YTHDC1: variants seen among roughly 807,000 people sequenced by gnomAD.
YTHDC1 encodes the protein YTH domain-containing protein 1.
A neutral mutation model predicts 107.0 loss-of-function variants in YTHDC1; 12 were observed. The observed-to-expected ratio is 0.11, with a 90% confidence interval of 0.07 to 0.18. The LOEUF (loss-of-function observed/expected upper bound fraction) is 0.18, where lower values mean the gene tolerates loss of function less well. Among genes scored for constraint, YTHDC1 ranks in the 10% least tolerant of loss-of-function variants. YTHDC1 has a pLI of 1.00. For synonymous variants in YTHDC1, 280 were observed against 289.5 expected (o/e 0.97, Z 0.33); for missense variants, 635 against 898.8 (o/e 0.71, Z 3.75).
At chr4:68,338,459 T>A in intron 1 of YTHDC1, 75 bp from the exon 2 acceptor site, 1 of 1,103,486 alleles carries the variant, frequency 9.1e-7, no homozygotes, top group Non-Finnish European at 1.3e-6. Flanking sequence ...TTACTAAGTG[T>A]GAGGCCACAA....
Position 68,311,692 on chromosome 4 carries a change from G to A in YTHDC1, c.*2407C>T, listed in dbSNP as rs796471893. 9 of 152,326 alleles carry A rather than the reference G, an allele frequency of 5.9e-5. No individual in the cohort carries two copies. The highest frequency in any genetic ancestry group is 1.9e-4 in the African/African-American group (8 of 41,572). 9.4% of individuals were successfully genotyped at this position (152,326 alleles called of 1,614,324 possible). ...ACAGTGATGATTATGTGAGCCAACA[G>A]AATTGTTTAGAATAGTGCCAGATAC... On this transcript the variant is annotated 3_prime_UTR_variant, in exon 17 of 17. Coordinates refer to ENST00000344157, the MANE Select transcript of YTHDC1 (RefSeq NM_001031732.4).
At position 68,340,001 on chromosome 4, in the gene YTHDC1, T is replaced by A. The variant is rs1724638161; in HGVS notation, c.29-1617A>T. 2.0e-5 allele frequency among the ~76,000 whole-genome samples: 3 copies of A among 152,050 alleles called. No homozygotes were observed. The South Asian group carries it at 6.2e-4, about 32-fold the overall frequency. On this transcript the variant is annotated intron_variant, in intron 1 of 16. Transcript: ENST00000344157. ...TGTTTAAACATTAACTATTCCAATA[T>A]CAAAAACATCTTTCCAAATTTAAGG...
At chr4:68,335,361 G>A (rs1239604614) in intron 4 of YTHDC1, among the ~76,000 whole-genome samples, 8 of 152,126 alleles carry the variant, frequency 5.3e-5, no homozygotes, top group Middle Eastern at 6.8e-3. Flanking sequence ...CCTTTATAAG[G>A]AAAATAAAAC....
intron 15 of YTHDC1, 75 bp from the exon 16 acceptor site, chr4:68,316,523 C>G: frequency 6.6e-7 from 1 of 1,508,028 alleles, no homozygotes; most frequent in Non-Finnish European, 9.0e-7. Flanking sequence ...AACCCTTCAT[C>G]CAAAACACCA....
chr4:68,322,543 A>G lies in YTHDC1; in HGVS notation c.1601+206T>C. On this transcript the variant is annotated intron_variant, in intron 11 of 16. Coordinates refer to ENST00000344157, the MANE Select transcript of YTHDC1 (RefSeq NM_001031732.4). The surrounding 1 kb of genome is among the most constrained non-coding windows in gnomAD (Gnocchi z 4.8). ...TGGTTATACTTTTTTCTGCATAAGGAAAGATCCCCATTTTCCTCTTGAAAA... is the reference window on the plus strand; with the variant it reads ...TGGTTATACTTTTTTCTGCATAAGGGAAGATCCCCATTTTCCTCTTGAAAA... The G allele has an allele frequency of 1.8e-6, 1 of 570,774 alleles. No homozygotes were observed. Among genetic ancestry groups the G allele is most frequent in the East Asian group, 2.8e-5 (1 of 35,132 alleles). The allele number at this position is 570,774 out of a possible 1,614,324, so 35.4% of individuals were successfully genotyped here.
chr4:68,342,502 C>T (rs1724934469), intron 1 of YTHDC1, among the ~76,000 whole-genome samples: 1 of 152,166 alleles, frequency 6.6e-6, no homozygotes, highest in Non-Finnish European at 1.5e-5. Context: ...ATTCCAATCA[C>T]TGTTGACAGA....
Position 68,316,302 on chromosome 4 carries a change from T to C in YTHDC1, c.1959+12A>G, listed in dbSNP as rs772152504. The stretch of plus-strand genomic sequence containing the variant: ...GTAGTTCCCTCACACCTTTGCCTCC[T>C]TGTGCACTTACTACTCGTTTATCTC... On this transcript the variant is annotated intron_variant, in intron 16 of 16. Coordinates refer to ENST00000344157, the MANE Select transcript of YTHDC1 (RefSeq NM_001031732.4). The C allele has an allele frequency of 3.1e-6, 5 of 1,609,500 alleles. No individual in the cohort carries two copies. The highest frequency in any genetic ancestry group is 1.7e-5 in the Admixed American group (1 of 59,378).
intron 11 of YTHDC1, among the ~76,000 whole-genome samples, chr4:68,321,041 T>TAAA (rs899821460): frequency 2.0e-5 from 3 of 152,122 alleles, no homozygotes; most frequent in Admixed American, 6.5e-5. Flanking sequence ...CTGTCTTCCA[T>TAAA]AAATCGGGTT....
rs151214955 is a variant in YTHDC1, at chr4:68,319,842, C to T, written c.1684+281G>A. On this transcript the variant is annotated intron_variant, in intron 12 of 16. Coordinates refer to ENST00000344157, the MANE Select transcript of YTHDC1 (RefSeq NM_001031732.4). ...TATTGCTTTTCATAACTACTTTTAA[C>T]CTTAAACACATGTGCAGATAAGTTT... Among the ~76,000 whole-genome samples the T allele has an allele frequency of 6.0e-3, 910 of 152,112 alleles. 11 individuals are homozygous for T. The highest frequency in any genetic ancestry group is 0.021 in the African/African-American group (860 of 41,522).
chr4:68,332,095 G>A lies in YTHDC1; in HGVS notation c.1122+8C>T. On this transcript the variant is annotated splice_region_variant and intron_variant, in intron 7 of 16. Coordinates refer to ENST00000344157, the MANE Select transcript of YTHDC1 (RefSeq NM_001031732.4). ...TTAGGATAGTTTCAACAGAACTGAT[G>A]CTAATACCTTCGCTTTGGCAAGAGA... 1 of 1,574,106 alleles carries A rather than the reference G, an allele frequency of 6.4e-7. No individual in the cohort carries two copies. The highest frequency in any genetic ancestry group is 8.7e-7 in the Non-Finnish European group (1 of 1,155,396).
rs140944363 is a variant in YTHDC1 at position 68,339,384 on chromosome 4, A to T, written c.29-1000T>A. On this transcript the variant is annotated intron_variant, in intron 1 of 16. Transcript: ENST00000344157. ...ATCAAAGCAGACCTAGAGAGGCATG[A>T]TAACTGAACACAGCCCACAATATTG... 2.8e-3 allele frequency among the ~76,000 whole-genome samples: 433 copies of T among 152,376 alleles called. 3 individuals carry two copies. The highest frequency in any genetic ancestry group is 9.8e-3 in the African/African-American group (409 of 41,600).
In YTHDC1 at chr4:68,330,293, G is replaced by C. The variant is rs374769324; in HGVS notation, c.1140C>G (p.Leu380=). 6.3e-6 allele frequency: 10 copies of C among 1,597,740 alleles called. No individual in the cohort carries two copies. In the African/African-American group the frequency reaches 1.3e-4, roughly 22 times the overall value. ...GATTTAATTTCTTCTCATTTACAGG[G>C]AGCGTGGACCATACACCCTACATAA... ...LAKAKGVWST[L]PVNEKKLNLA... is the part of the protein sequence containing the mutation. The change falls in exon 8 of 17, where the codon CTC becomes CTG. Residue 380 remains leucine (L), a synonymous_variant. Transcript: ENST00000344157.
At chr4:68,327,747 T>C (rs1157110378) in intron 9 of YTHDC1, among the ~76,000 whole-genome samples, 2 of 152,176 alleles carry the variant, frequency 1.3e-5, no homozygotes, top group African/African-American at 4.8e-5. Context: ...GAGACTCAAA[T>C]GTAATTCTCA....
chr4:68,337,843 G>A lies in YTHDC1; in HGVS notation c.188C>T (p.Ser63Phe). ...AGAAACCAGTTGTCTAGAATGGACA[G>A]AAGGCTTTTGTCGTTTGGTATCAGT... ...ESTDTKRQKP[S>F]VHSRQLVSKP... Residue 63 changes from serine (S) to phenylalanine (F), a missense_variant, in exon 3 of 17, where the codon TCT becomes TTT. Physicochemically the swap from Ser to Phe is radical, Grantham distance 155. Transcript: ENST00000344157. 1.2e-6 allele frequency: 2 copies of A among 1,613,740 alleles called. No individual in the cohort carries two copies. The highest frequency in any genetic ancestry group is 8.5e-7 in the Non-Finnish European group (1 of 1,179,992).
Position 68,320,182 on chromosome 4 carries a change from A to G in YTHDC1, c.1625T>C (p.Ile542Thr), listed in dbSNP as rs745499920. The G allele has an allele frequency of 2.7e-5, 44 of 1,609,440 alleles. No homozygotes were observed. Among genetic ancestry groups the G allele is most frequent in the Non-Finnish European group, 3.6e-5 (42 of 1,178,916 alleles). ...VGRRRPEDYD[I>T]HNSRKKPRID... ...CCTTGGTTTCTTTCTGCTGTTATGAATATCATAATCTTCTGGTCGACGCCT... is the reference window on the plus strand; with the variant it reads ...CCTTGGTTTCTTTCTGCTGTTATGAGTATCATAATCTTCTGGTCGACGCCT... Residue 542 changes from isoleucine (I) to threonine (T), a missense_variant, in exon 12 of 17, where the codon ATT becomes ACT. Transcript: ENST00000344157.
chr4:68,317,573 C>CTT (rs1475175091), intron 15 of YTHDC1, among the ~76,000 whole-genome samples: 1 of 152,112 alleles, frequency 6.6e-6, no homozygotes, highest in African/African-American at 2.4e-5. Flanking sequence ...AAAATATACT[C>CTT]TAAGACAATT....
rs980700307 is a variant in YTHDC1 at position 68,311,728 on chromosome 4, C to T, written c.*2371G>A. 1 of 152,030 alleles carries T rather than the reference C, an allele frequency of 6.6e-6. No individual in the cohort carries two copies. Among genetic ancestry groups the T allele is most frequent in the Non-Finnish European group, 1.5e-5 (1 of 67,920 alleles). 9.4% of individuals were successfully genotyped at this position (152,030 alleles called of 1,614,324 possible). ...AATAGTGCCAGATACTTGGTAAAAA[C>T]TTAATGTTGGCTTTTTAAAATAGAT... On this transcript the variant is annotated 3_prime_UTR_variant, in exon 17 of 17. Coordinates refer to ENST00000344157, the MANE Select transcript of YTHDC1 (RefSeq NM_001031732.4).
chr4:68,332,935 T>C (rs1385050737), intron 5 of YTHDC1, 88 bp from the exon 6 acceptor site: 4 of 1,165,342 alleles, frequency 3.4e-6, no homozygotes, highest in Non-Finnish European at 5.0e-6. Flanking sequence ...AAAATTCTCA[T>C]TCAAGACAAA....
chr4:68,318,840 G>A lies in YTHDC1; in HGVS notation c.1707C>T (p.Tyr569=), dbSNP rs1416857849. 1.2e-6 allele frequency: 2 copies of A among 1,613,896 alleles called. No individual in the cohort carries two copies. Among genetic ancestry groups the A allele is most frequent in the Non-Finnish European group, 1.7e-6 (2 of 1,179,996 alleles). Residue 569 remains tyrosine, a synonymous_variant, in exon 13 of 17, where the codon TAC becomes TAT. Coordinates refer to ENST00000344157, the MANE Select transcript of YTHDC1 (RefSeq NM_001031732.4). ...QRPGYLKDPR[Y]QEVDRRFSGV... is the part of the protein sequence containing the mutation. ...ACCCGACTTACCTGTCCACTTCCTG[G>A]TATCGTGGATCCTTTAAATACCCTG...
Sources: allele counts gnomAD v4.1 joint callset (sites outside exome capture counted in the v4.1 genomes callset), GRCh38; gene constraint gnomAD v4.1.1; non-coding constraint Gnocchi (gnomAD v3.1); transcripts MANE v1.5; gene names NCBI Gene and HGNC (gene_info 2026-07-23, HGNC 2026-07-21).